TENM3: variants seen among roughly 807,000 people sequenced by gnomAD.
TENM3 encodes teneurin transmembrane protein 3.
A neutral mutation model predicts 255.1 loss-of-function variants in TENM3; 63 were observed. The ratio of observed to expected loss-of-function variants is 0.25; its 90% CI spans 0.20 to 0.30. The LOEUF (loss-of-function observed/expected upper bound fraction) is 0.30, where lower values mean the gene tolerates loss of function less well. TENM3 is among the 10% of genes least tolerant of loss of function. The pLI, the probability that TENM3 is intolerant of heterozygous loss-of-function variation, is 1.00. For synonymous variants in TENM3, 1,306 were observed against 1,322.3 expected, an observed-to-expected ratio of 0.99 and a Z score of 0.27; for missense variants, 2,929 against 3,461.1, an observed-to-expected ratio of 0.85 and a Z score of 3.86.
At chr4:182,006,666 T>C in the TENM3 span, among the ~76,000 whole-genome samples, 3 of 151,716 alleles carry the variant, frequency 2.0e-5, no homozygotes, top group Non-Finnish European at 4.4e-5. Flanking sequence ...GTTAATTTTT[T>C]CAAAAAAAAA....
chr4:181,801,032 C>T, the TENM3 span, among the ~76,000 whole-genome samples: 2 of 152,014 alleles, frequency 1.3e-5, no homozygotes, highest in Non-Finnish European at 2.9e-5. Flanking sequence ...TTGGGAAGCA[C>T]CTGAGAGGGT....
At chr4:182,690,307 C>T (rs140544742) in intron 12 of TENM3, among the ~76,000 whole-genome samples, 1 of 152,310 alleles carries the variant, frequency 6.6e-6, no homozygotes, top group East Asian at 1.9e-4. Context: ...CTTTGTAGGG[C>T]AGTGGCAGCA....
At chr4:182,239,270 G>A (rs1240047321), upstream of TENM3, among the ~76,000 whole-genome samples, 3 of 151,884 alleles carry the variant, frequency 2.0e-5, no homozygotes, top group African/African-American at 7.3e-5. Flanking sequence ...TAAAGATGAG[G>A]TTTCACCATG....
the TENM3 span, among the ~76,000 whole-genome samples, chr4:182,009,363 AC>A: frequency 6.6e-6 from 1 of 151,792 alleles, no homozygotes; most frequent in Non-Finnish European, 1.5e-5. Context: ...GACTGCTGCC[AC>A]CCCTCCCCCT....
At chr4:181,808,063 A>G in the TENM3 span, among the ~76,000 whole-genome samples, 1 of 152,222 alleles carries the variant, frequency 6.6e-6, no homozygotes. Context: ...AACACTGAGG[A>G]TAGAAAATCC....
chr4:181,559,805 C>T, the TENM3 span, among the ~76,000 whole-genome samples: 1 of 152,224 alleles, frequency 6.6e-6, no homozygotes. Context: ...CAAACTACAA[C>T]TGCATCTTCA....
At chr4:181,842,156 A>G in the TENM3 span, among the ~76,000 whole-genome samples, 1 of 152,200 alleles carries the variant, frequency 6.6e-6, no homozygotes, top group Admixed American at 6.5e-5. Context: ...TGTAATAATT[A>G]CATATTATCA....
the TENM3 span, among the ~76,000 whole-genome samples, chr4:181,743,941 T>C: frequency 3.3e-5 from 5 of 152,110 alleles, no homozygotes; most frequent in Non-Finnish European, 7.4e-5. Flanking sequence ...CCAGTATCCA[T>C]TAGTGATTCT....
the TENM3 span, among the ~76,000 whole-genome samples, chr4:181,636,070 C>T: frequency 7.3e-5 from 11 of 151,660 alleles, no homozygotes; most frequent in Admixed American, 3.3e-4. Flanking sequence ...TTTTTTGAGA[C>T]AGTTTCGCTC....
chr4:182,784,092 G>C (rs1322961693), intron 24 of TENM3, among the ~76,000 whole-genome samples: 5 of 152,164 alleles, frequency 3.3e-5, no homozygotes, highest in African/African-American at 1.2e-4. Context: ...TTCTGTTGCT[G>C]GTGAGGAACT....
the TENM3 span, among the ~76,000 whole-genome samples, chr4:181,758,066 G>C: frequency 1.3e-5 from 2 of 152,088 alleles, no homozygotes; most frequent in Non-Finnish European, 2.9e-5. Context: ...TTTTGTGTGG[G>C]GAACAATGAC....
intron 13 of TENM3, among the ~76,000 whole-genome samples, chr4:182,722,281 G>T (rs954758173): frequency 6.6e-6 from 1 of 152,170 alleles, no homozygotes; most frequent in African/African-American, 2.4e-5. Flanking sequence ...TAGTGTCTGA[G>T]GGTAGGGAAA....
the TENM3 span, among the ~76,000 whole-genome samples, chr4:181,942,412 A>G: frequency 6.6e-6 from 1 of 151,914 alleles, no homozygotes; most frequent in East Asian, 1.9e-4. Flanking sequence ...AGGCCTTCTA[A>G]GTGCCTAAAG....
the TENM3 span, among the ~76,000 whole-genome samples, chr4:181,971,101 C>T: frequency 6.6e-6 from 1 of 152,180 alleles, no homozygotes; most frequent in Admixed American, 6.5e-5. Flanking sequence ...GCCTAAGCCA[C>T]TGAGCCCAGT....
chr4:182,673,361 T>C (rs558037466), intron 7 of TENM3, 142 bp downstream of exon 7: 102 of 596,518 alleles, frequency 1.7e-4, no homozygotes, highest in Non-Finnish European at 2.8e-4. Context: ...GTTTTGAATG[T>C]AGATTACTTG....
At chr4:181,934,128 A>G in the TENM3 span, among the ~76,000 whole-genome samples, 6 of 151,720 alleles carry the variant, frequency 4.0e-5, no homozygotes, top group East Asian at 1.9e-4. Flanking sequence ...ATGTTGGACA[A>G]TGCGCTAATT....
chr4:181,490,416 G>A, the TENM3 span, among the ~76,000 whole-genome samples: 4 of 152,124 alleles, frequency 2.6e-5, no homozygotes, highest in Admixed American at 1.3e-4. Flanking sequence ...AGTCAATAAC[G>A]TATCTGGGAC....
the TENM3 span, among the ~76,000 whole-genome samples, chr4:181,685,925 AT>A: frequency 1.3e-5 from 2 of 152,122 alleles, no homozygotes; most frequent in African/African-American, 4.8e-5. Flanking sequence ...CTTTTCAAAT[AT>A]TGTTCTCAGG....
the TENM3 span, among the ~76,000 whole-genome samples, chr4:181,619,176 G>T: frequency 6.6e-6 from 1 of 152,062 alleles, no homozygotes; most frequent in South Asian, 2.1e-4. Context: ...TCCTCGGAGT[G>T]GCCGTCTGCT....
Sources: allele counts gnomAD v4.1 joint callset (sites outside exome capture counted in the v4.1 genomes callset), GRCh38; gene constraint gnomAD v4.1.1; transcripts MANE v1.5; gene names NCBI Gene and HGNC (gene_info 2026-07-23, HGNC 2026-07-21).